Variants in DAP observed in about 807,000 individuals in gnomAD.
DAP encodes the protein death associated protein.
DAP carries 8 observed loss-of-function variants against 13.8 expected under a neutral mutation model. That is an observed-to-expected ratio of 0.58 (90% CI 0.34 to 1.05). DAP has a LOEUF of 1.05. DAP is among the 50% of genes least tolerant of loss of function. The pLI, the probability that DAP is intolerant of heterozygous loss-of-function variation, is 0.03. For synonymous variants in DAP, 47 were observed against 47.5 expected (o/e 0.99, Z 0.04); for missense variants, 106 against 133.2 (o/e 0.80, Z 1.01).
intron 1 of DAP, among the ~76,000 whole-genome samples, chr5:10,752,733 G>A (rs556645741): frequency 7.4e-4 from 113 of 152,278 alleles, no homozygotes; most frequent in African/African-American, 2.5e-3. Flanking sequence ...TGGGCAAGTT[G>A]CTGAAGCTCT....
intron 2 of DAP, among the ~76,000 whole-genome samples, chr5:10,747,107 C>T (rs1402355213): frequency 6.6e-6 from 1 of 152,208 alleles, no homozygotes; most frequent in Non-Finnish European, 1.5e-5. Context: ...GCCTAATCCA[C>T]AGGAATCAAG....
At chr5:10,698,641 C>G (rs1224156728) in intron 2 of DAP, among the ~76,000 whole-genome samples, 1 of 152,134 alleles carries the variant, frequency 6.6e-6, no homozygotes, top group Non-Finnish European at 1.5e-5. Context: ...ATTCAGGGCC[C>G]TAAGGTTTAT....
rs371163359 is a variant in DAP, at chr5:10,679,415, G to A, written c.*1641C>T. 1.4e-4 allele frequency: 21 copies of A among 152,524 alleles called. No individual in the cohort carries two copies. Among genetic ancestry groups the A allele is most frequent in the African/African-American group, 5.1e-4 (21 of 41,578 alleles). 9.4% of individuals were successfully genotyped at this position (152,524 alleles called of 1,614,324 possible). On this transcript the variant is annotated 3_prime_UTR_variant, in exon 4 of 4. Transcript: ENST00000230895. ...ACAGCCCTCCCTCTGGCTGAAGACT[G>A]AGAAGCATTAAGGATGCTTCTGGAT...
rs138569160 is a variant in DAP, at chr5:10,688,386, TTTAAA to T, written c.153-4820_153-4816del. On this transcript the variant is annotated intron_variant, in intron 2 of 3. Coordinates refer to ENST00000230895, the MANE Select transcript of DAP (RefSeq NM_004394.3). The stretch of plus-strand genomic sequence containing the variant: ...TACAGAATTTTTAAATTTTTAAAAT[TTTAAA>T]TTAAGTTATGCATTGTTTTTTAGAC... Among the ~76,000 whole-genome samples, 738 of 152,278 alleles carry T rather than the reference TTTAAA, an allele frequency of 4.8e-3. 5 individuals are homozygous for T. The highest frequency in any genetic ancestry group is 6.9e-3 in the African/African-American group (288 of 41,552).
In DAP at chr5:10,680,779, T is replaced by C. The variant is rs751775891; in HGVS notation, c.*277A>G. ...GTGACTGCTGAAATAGAACTAAAGC[T>C]AAAATTTTTCTCGGATCTTGGCAAA... is the stretch of plus-strand genomic sequence containing the variant. On this transcript the variant is annotated 3_prime_UTR_variant, in exon 4 of 4. Coordinates refer to ENST00000230895, the MANE Select transcript of DAP (RefSeq NM_004394.3). 3.9e-6 allele frequency: 6 copies of C among 1,536,528 alleles called. No homozygotes were observed. In the South Asian group the frequency reaches 7.1e-5, roughly 18 times the overall value.
intron 2 of DAP, among the ~76,000 whole-genome samples, chr5:10,727,564 G>T: frequency 6.6e-6 from 1 of 152,316 alleles, no homozygotes; most frequent in East Asian, 1.9e-4. Context: ...GGGGGGGACT[G>T]GGGAGAGGGA....
chr5:10,737,162 T>C (rs879788734), intron 2 of DAP, among the ~76,000 whole-genome samples: 53 of 152,192 alleles, frequency 3.5e-4, no homozygotes, highest in Admixed American at 3.4e-3. Context: ...CTGGCCAACA[T>C]AGTGATATCC....
In DAP at chr5:10,739,059, G is replaced by A. The variant is rs141048538; in HGVS notation, c.152+9116C>T. On this transcript the variant is annotated intron_variant, in intron 2 of 3. Transcript: ENST00000230895. ...CTACTAAAAATACAAAAAATTAGCC[G>A]AACGTGGTGGCATGTGCCTGTAGTC... Among the ~76,000 whole-genome samples, 475 of 152,050 alleles carry A rather than the reference G, an allele frequency of 3.1e-3. 4 individuals are homozygous for A. The highest frequency in any genetic ancestry group is 9.8e-3 in the African/African-American group (406 of 41,480).
chr5:10,720,515 G>A (rs775188726), intron 2 of DAP, among the ~76,000 whole-genome samples: 1 of 152,230 alleles, frequency 6.6e-6, no homozygotes, highest in Non-Finnish European at 1.5e-5. Context: ...AAGTGGATGC[G>A]ATGACCCGTT....
chr5:10,711,609 T>C (rs1433666992), intron 2 of DAP, among the ~76,000 whole-genome samples: 2 of 152,214 alleles, frequency 1.3e-5, no homozygotes, highest in Non-Finnish European at 2.9e-5. Flanking sequence ...TTCCTGTGTT[T>C]CCTGGAGTCG....
intron 2 of DAP, among the ~76,000 whole-genome samples, chr5:10,712,593 T>C (rs1006866647): frequency 6.6e-6 from 1 of 152,034 alleles, no homozygotes; most frequent in African/African-American, 2.4e-5. Context: ...TAGACATTGA[T>C]GTCTGTGAGG....
intron 2 of DAP, among the ~76,000 whole-genome samples, chr5:10,712,031 C>A (rs1205837192): frequency 6.6e-6 from 1 of 152,136 alleles, no homozygotes; most frequent in Non-Finnish European, 1.5e-5. Context: ...CTGAGTGTGA[C>A]TCTACTTGGG....
chr5:10,758,366 GAGGGGTGCTGTTGGCATT>G (rs2111405388), intron 1 of DAP, among the ~76,000 whole-genome samples: 2 of 31,184 alleles, frequency 6.4e-5, no homozygotes, highest in Non-Finnish European at 3.0e-4. Context: ...GTTGGCATCT[GAGGGGTGCTGTTGGCATT>G]TGAGGGGTGC....
At chr5:10,723,625 T>C (rs1739213476) in intron 2 of DAP, among the ~76,000 whole-genome samples, 1 of 152,194 alleles carries the variant, frequency 6.6e-6, no homozygotes, top group Admixed American at 6.5e-5. Flanking sequence ...GCATTTTAAG[T>C]AAAGAAAAAG....
intron 2 of DAP, among the ~76,000 whole-genome samples, chr5:10,739,057 C>A (rs1255032264): frequency 2.6e-5 from 4 of 151,796 alleles, no homozygotes; most frequent in African/African-American, 9.7e-5. Context: ...AAAAAATTAG[C>A]CGAACGTGGT....
In DAP at chr5:10,755,006, T is replaced by C. The variant is rs7729758; in HGVS notation, c.55+6008A>G. On this transcript the variant is annotated intron_variant, in intron 1 of 3. Coordinates refer to ENST00000230895, the MANE Select transcript of DAP (RefSeq NM_004394.3). Reference sequence around the variant, plus strand: ...ATTAAGGTTGCTCATCAGCTGACTGTAAGCTGAGGAAGAAGAAGGGAAACT... The same window carrying C: ...ATTAAGGTTGCTCATCAGCTGACTGCAAGCTGAGGAAGAAGAAGGGAAACT... 6.6e-3 allele frequency among the ~76,000 whole-genome samples: 1,001 copies of C among 152,300 alleles called. 7 individuals carry two copies. Among genetic ancestry groups the C allele is most frequent in the African/African-American group, 0.022 (920 of 41,570 alleles).
intron 2 of DAP, among the ~76,000 whole-genome samples, chr5:10,684,013 A>C (rs544282044): frequency 6.6e-6 from 1 of 152,154 alleles, no homozygotes; most frequent in East Asian, 1.9e-4. Flanking sequence ...TTGTAGAGAC[A>C]GGGTCTTGCT....
At chr5:10,747,969 C>T (rs1420899413) in intron 2 of DAP, 3 of 506,882 alleles carry the variant, frequency 5.9e-6, no homozygotes, top group Non-Finnish European at 1.1e-5. Flanking sequence ...GGCAACTGCT[C>T]AGGAAAGAGG....
In DAP at chr5:10,694,685, C is replaced by T. The variant is rs112544885; in HGVS notation, c.153-11114G>A. Among the ~76,000 whole-genome samples the T allele has an allele frequency of 3.7e-3, 562 of 152,348 alleles. 4 individuals are homozygous for T. Among genetic ancestry groups the T allele is most frequent in the South Asian group, 0.02 (98 of 4,828 alleles). ...CTTGTGTAACAGAGAGGACACGACA[C>T]TAGAGCACTGCAGTGGGAGGACAGG... On this transcript the variant is annotated intron_variant, in intron 2 of 3. Transcript: ENST00000230895.
Sources: allele counts gnomAD v4.1 joint callset (sites outside exome capture counted in the v4.1 genomes callset), GRCh38; gene constraint gnomAD v4.1.1; transcripts MANE v1.5; gene names NCBI Gene and HGNC (gene_info 2026-07-23, HGNC 2026-07-21).